Variants in GPC6 observed in about 807,000 individuals in gnomAD.
The protein encoded by GPC6 is glypican-6.
A neutral mutation model predicts 55.2 loss-of-function variants in GPC6; 14 were observed. The observed-to-expected ratio is 0.25, with a 90% CI of 0.17 to 0.40. GPC6 has a LOEUF of 0.40. Ranked by LOEUF, GPC6 falls within the 10% of genes least tolerant of loss-of-function variation. The pLI is 1.00. For missense variants in GPC6, 641 were observed against 708.5 expected (o/e 0.90, Z 1.08); for synonymous variants, 278 against 259.6 (o/e 1.07, Z -0.68).
intron 1 of GPC6, among the ~76,000 whole-genome samples, chr13:93,369,315 A>G (rs1425776650): frequency 1.3e-5 from 2 of 152,152 alleles, no homozygotes; most frequent in Non-Finnish European, 2.9e-5. Context: ...TACAATAAAT[A>G]AACTTGTTAA....
intron 1 of GPC6, among the ~76,000 whole-genome samples, chr13:93,339,802 A>T (rs902078927): frequency 1.3e-5 from 2 of 152,158 alleles, no homozygotes; most frequent in African/African-American, 4.8e-5. Flanking sequence ...GGCTTACATC[A>T]AAAAAGCTCT....
intron 3 of GPC6, among the ~76,000 whole-genome samples, chr13:93,927,747 A>C (rs1877937594): frequency 6.6e-6 from 1 of 152,052 alleles, no homozygotes; most frequent in African/African-American, 2.4e-5. Flanking sequence ...CTTAGATAGC[A>C]GTGAAGTTTA....
intron 1 of GPC6, among the ~76,000 whole-genome samples, chr13:93,539,204 G>A (rs191634697): frequency 9.2e-5 from 14 of 152,200 alleles, no homozygotes; most frequent in African/African-American, 2.9e-4. Flanking sequence ...AGTGATTGAT[G>A]GACCATTTGC....
intron 2 of GPC6, among the ~76,000 whole-genome samples, chr13:93,556,406 ATG>A (rs1278172870): frequency 4.3e-4 from 45 of 103,988 alleles, no homozygotes; most frequent in East Asian, 1.4e-3. Flanking sequence ...ATGTATGTAT[ATG>A]TATATATATA....
intron 4 of GPC6, among the ~76,000 whole-genome samples, chr13:94,247,713 A>G (rs1484016912): frequency 6.6e-6 from 1 of 152,132 alleles, no homozygotes; most frequent in African/African-American, 2.4e-5. Context: ...CTTAATCATG[A>G]TGTATAATCA....
intron 2 of GPC6, among the ~76,000 whole-genome samples, chr13:93,558,377 C>A (rs1875591055): frequency 6.6e-6 from 1 of 152,096 alleles, no homozygotes; most frequent in African/African-American, 2.4e-5. Flanking sequence ...TGATCGGTAC[C>A]ATGAATTAAA....
In GPC6 at chr13:93,429,936, C is replaced by T. The variant is rs562694570; in HGVS notation, c.161-115327C>T. On this transcript the variant is annotated intron_variant, in intron 1 of 8. Coordinates refer to ENST00000377047, the MANE Select transcript of GPC6 (RefSeq NM_005708.5). ...AGAGTCCACATTATCCTCAGACTTA[C>T]GATTTGACCAATATGAGAAAACTCC... 1.8e-3 allele frequency among the ~76,000 whole-genome samples: 279 copies of T among 152,220 alleles called. 1 individual carries two copies. The highest frequency in any genetic ancestry group is 6.4e-3 in the African/African-American group (264 of 41,548).
intron 2 of GPC6, among the ~76,000 whole-genome samples, chr13:93,636,522 G>A (rs932535128): frequency 3.3e-5 from 5 of 152,134 alleles, no homozygotes; most frequent in South Asian, 2.1e-4. Flanking sequence ...TCTACACTGC[G>A]TTGACATTGG....
chr13:93,316,730 A>G (rs1224072275), intron 1 of GPC6, among the ~76,000 whole-genome samples: 2 of 152,102 alleles, frequency 1.3e-5, no homozygotes, highest in African/African-American at 4.8e-5. Flanking sequence ...GCCTTATACC[A>G]AAGTATTTTA....
At chr13:93,386,497 T>A (rs1340249215) in intron 1 of GPC6, among the ~76,000 whole-genome samples, 1 of 152,170 alleles carries the variant, frequency 6.6e-6, no homozygotes, top group African/African-American at 2.4e-5. Flanking sequence ...AATAGTAACT[T>A]GCAGGAAACA....
At chr13:94,242,047 T>G (rs922154154) in intron 4 of GPC6, among the ~76,000 whole-genome samples, 1 of 152,002 alleles carries the variant, frequency 6.6e-6, no homozygotes, top group Admixed American at 6.6e-5. Flanking sequence ...TAGGTATATC[T>G]CCTAATGCTA....
chr13:93,490,144 C>T (rs933390689), intron 1 of GPC6, among the ~76,000 whole-genome samples: 1 of 151,436 alleles, frequency 6.6e-6, no homozygotes, highest in East Asian at 2.2e-4. Context: ...TATGTCCCAT[C>T]AATACCTAAT....
chr13:93,656,566 CCTGACT>C (rs1880677036), intron 2 of GPC6, among the ~76,000 whole-genome samples: 1 of 152,068 alleles, frequency 6.6e-6, no homozygotes, highest in Non-Finnish European at 1.5e-5. Flanking sequence ...GGCACGGTAG[CCTGACT>C]ATCCAGTTTT....
At chr13:93,371,548 C>T (rs1337493929) in intron 1 of GPC6, among the ~76,000 whole-genome samples, 2 of 151,982 alleles carry the variant, frequency 1.3e-5, no homozygotes, top group Non-Finnish European at 2.9e-5. Flanking sequence ...TGATTTATTC[C>T]TTTAACACAT....
intron 2 of GPC6, among the ~76,000 whole-genome samples, chr13:93,591,508 A>C (rs1348386182): frequency 6.6e-6 from 1 of 152,056 alleles, no homozygotes; most frequent in Admixed American, 6.6e-5. Context: ...GTTTCGTATC[A>C]ATATTGTAGG....
rs931367946 is a variant in GPC6, at chr13:93,396,105, C to A, written c.161-149158C>A. Among the ~76,000 whole-genome samples, 8 of 152,086 alleles carry A rather than the reference C, an allele frequency of 5.3e-5. No individual in the cohort carries two copies. The South Asian group carries it at 1.7e-3, about 32-fold the overall frequency. ...TACTGGTATCAACATTTGCTCCCATCCCGAACTAAACACACAATGGTAAAG... is the reference window on the plus strand; with the variant it reads ...TACTGGTATCAACATTTGCTCCCATACCGAACTAAACACACAATGGTAAAG... On this transcript the variant is annotated intron_variant, in intron 1 of 8. Transcript: ENST00000377047.
intron 1 of GPC6, among the ~76,000 whole-genome samples, chr13:93,262,598 C>T: frequency 6.6e-6 from 1 of 152,152 alleles, no homozygotes; most frequent in East Asian, 1.9e-4. Flanking sequence ...ATTTATATTT[C>T]ATATGTTAAC....
chr13:93,890,720 T>A (rs913074372), intron 3 of GPC6, among the ~76,000 whole-genome samples: 2 of 150,794 alleles, frequency 1.3e-5, no homozygotes, highest in African/African-American at 4.9e-5. Context: ...TACTTAATTT[T>A]TTTTTTTTTT....
chr13:93,298,740 G>A (rs1487571896), intron 1 of GPC6, among the ~76,000 whole-genome samples: 5 of 151,798 alleles, frequency 3.3e-5, no homozygotes, highest in South Asian at 2.1e-4. Context: ...GAGTCACCTC[G>A]CCCCATGGGT....
Sources: gnomAD v4.1 joint callset for allele counts (sites outside exome capture counted in the v4.1 genomes callset) on GRCh38, gnomAD v4.1.1 for gene constraint, MANE v1.5 for transcripts, NCBI Gene and HGNC (gene_info 2026-07-23, HGNC 2026-07-21) for gene names.